PIK3C2G: variants seen among roughly 807,000 people sequenced by gnomAD.
The protein encoded by PIK3C2G is phosphatidylinositol 3-kinase C2 domain-containing subunit gamma.
Under a neutral mutation model 181.1 loss-of-function variants are expected in PIK3C2G, and 168 were observed. That is an observed-to-expected ratio of 0.93 (90% CI 0.82 to 1.05). The LOEUF (loss-of-function observed/expected upper bound fraction) is 1.05. Among genes scored for constraint, PIK3C2G ranks in the 50% least tolerant of loss-of-function variants. PIK3C2G has a pLI of 0.00. For synonymous variants in PIK3C2G, 573 were observed against 592.2 expected (o/e 0.97, Z 0.47); for missense variants, 1,869 against 1,732.8 (o/e 1.08, Z -1.40).
At chr12:18,696,348 A>ATATATATATATATATATC in the PIK3C2G span, 27 of 214,306 alleles carry the variant, frequency 1.3e-4, no homozygotes, top group East Asian at 1.7e-3. Flanking sequence ...ATATATATAT[A>ATATATATATATATATATC]TATCATATAA....
intron 1 of PIK3C2G, among the ~76,000 whole-genome samples, chr12:18,263,447 T>G (rs1948338938): frequency 6.6e-6 from 1 of 152,132 alleles, no homozygotes. Context: ...TTAAGCTTGT[T>G]AATTGTATAT....
chr12:18,514,131 TTGAG>T (rs754585050), intron 24 of PIK3C2G, among the ~76,000 whole-genome samples: 9 of 151,906 alleles, frequency 5.9e-5, no homozygotes, highest in Non-Finnish European at 1.3e-4. Context: ...TTCCACATAG[TTGAG>T]TATTTTCCAC....
chr12:18,289,601 T>C (rs1446606163), intron 3 of PIK3C2G, among the ~76,000 whole-genome samples: 1 of 152,138 alleles, frequency 6.6e-6, no homozygotes, highest in African/African-American at 2.4e-5. Flanking sequence ...AGCAGCAGCT[T>C]ACTTGGAAAA....
At chr12:18,484,275 G>A (rs1939831477) in intron 18 of PIK3C2G, among the ~76,000 whole-genome samples, 1 of 152,074 alleles carries the variant, frequency 6.6e-6, no homozygotes, top group Non-Finnish European at 1.5e-5. Context: ...TGGGAACAGT[G>A]GGAACATCAT....
chr12:18,352,565 C>T (rs976081810), intron 11 of PIK3C2G, among the ~76,000 whole-genome samples: 1 of 152,214 alleles, frequency 6.6e-6, no homozygotes, highest in African/African-American at 2.4e-5. Flanking sequence ...GCTCTCTTTG[C>T]CATCCGCAGA....
intron 22 of PIK3C2G, among the ~76,000 whole-genome samples, chr12:18,502,742 C>T (rs1941575971): frequency 6.6e-6 from 1 of 152,136 alleles, no homozygotes; most frequent in Admixed American, 6.5e-5. Flanking sequence ...TTAATGTTGA[C>T]TGAGAAGGAA....
chr12:18,536,263 C>G (rs1291911956), intron 24 of PIK3C2G, among the ~76,000 whole-genome samples: 8 of 151,994 alleles, frequency 5.3e-5, no homozygotes, highest in Admixed American at 5.3e-4. Flanking sequence ...TAACAAGGTT[C>G]AGCTATGAGA....
At chr12:18,582,189 C>T (rs931943047) in intron 29 of PIK3C2G, among the ~76,000 whole-genome samples, 4 of 152,052 alleles carry the variant, frequency 2.6e-5, no homozygotes, top group African/African-American at 9.7e-5. Flanking sequence ...ACAGCACCTG[C>T]GATTGAAGCA....
chr12:18,282,653 A>T lies in PIK3C2G; in HGVS notation c.572A>T (p.Glu191Val). 6.2e-7 allele frequency: 1 copy of T among 1,613,494 alleles called. No homozygotes were observed. The highest frequency in any genetic ancestry group is 8.5e-7 in the Non-Finnish European group (1 of 1,179,446). ...TCAAGTGACTTCATGCCGAAAGAAG[A>T]GAATAAAAGGAGTGGACATGTGAAC... Reference protein sequence around the residue: ...SFSSDFMPKEENKRSGHVNIV... With the variant: ...SFSSDFMPKEVNKRSGHVNIV... Residue 191 changes from glutamate (E) to valine (V), a missense_variant, in exon 2 of 33, where the codon GAG becomes GTG. Transcript: ENST00000538779.
intron 3 of PIK3C2G, 86 bp downstream of exon 3, chr12:18,287,015 G>A (rs1205681804): frequency 5.7e-6 from 3 of 527,966 alleles, no homozygotes; most frequent in Non-Finnish European, 9.5e-6. Flanking sequence ...GATTAATTTT[G>A]CATATAAAAG....
chr12:18,315,994 T>TTATA (rs1950845068), intron 6 of PIK3C2G, among the ~76,000 whole-genome samples: 1 of 151,982 alleles, frequency 6.6e-6, no homozygotes, highest in South Asian at 2.1e-4. Context: ...ACTAACCATA[T>TTATA]TATATATGGT....
chr12:18,246,941 T>C (rs566326269), upstream of PIK3C2G, among the ~76,000 whole-genome samples: 2 of 152,330 alleles, frequency 1.3e-5, no homozygotes, highest in African/African-American at 4.8e-5. Flanking sequence ...CGAGAATAAT[T>C]TATGTTTACA....
intron 16 of PIK3C2G, among the ~76,000 whole-genome samples, chr12:18,413,428 T>C (rs1219248546): frequency 6.6e-6 from 1 of 152,154 alleles, no homozygotes; most frequent in Admixed American, 6.6e-5. Context: ...CAAGCCTAAT[T>C]TTAAGAAGTA....
intron 1 of PIK3C2G, among the ~76,000 whole-genome samples, chr12:18,273,177 A>C (rs1221916403): frequency 6.6e-6 from 1 of 152,172 alleles, no homozygotes; most frequent in Admixed American, 6.5e-5. Context: ...TAACAAAAAG[A>C]GTTTTCTTAA....
chr12:18,445,545 A>G (rs1946976883), intron 18 of PIK3C2G, among the ~76,000 whole-genome samples: 1 of 152,292 alleles, frequency 6.6e-6, no homozygotes, highest in East Asian at 1.9e-4. Context: ...TTTACATTTT[A>G]AAATACATGT....
At chr12:18,677,293 T>C in the PIK3C2G span, among the ~76,000 whole-genome samples, 9 of 152,154 alleles carry the variant, frequency 5.9e-5, no homozygotes, top group Admixed American at 5.9e-4. Flanking sequence ...GCAAGACAGT[T>C]TCTAGAAAGC....
intron 1 of PIK3C2G, among the ~76,000 whole-genome samples, chr12:18,274,326 T>A (rs1948880678): frequency 6.6e-6 from 1 of 152,188 alleles, no homozygotes; most frequent in Admixed American, 6.5e-5. Context: ...GGATTATAAA[T>A]CATGCTGCTA....
At chr12:18,691,495 T>C in the PIK3C2G span, among the ~76,000 whole-genome samples, 1 of 152,180 alleles carries the variant, frequency 6.6e-6, no homozygotes, top group East Asian at 1.9e-4. Flanking sequence ...GGAAAGACTT[T>C]AGTTAACATA....
the PIK3C2G span, chr12:18,700,063 T>C: frequency 1.1e-6 from 1 of 897,030 alleles, no homozygotes. Context: ...TTTCATAAGA[T>C]TATCTCCTCA....
Sources: allele counts gnomAD v4.1 joint callset (sites outside exome capture counted in the v4.1 genomes callset), GRCh38; gene constraint gnomAD v4.1.1; transcripts MANE v1.5; gene names NCBI Gene and HGNC (gene_info 2026-07-23, HGNC 2026-07-21).